GLG1: variants seen among roughly 807,000 people sequenced by gnomAD.
GLG1 encodes the protein golgi glycoprotein 1.
In GLG1, 38 loss-of-function variants were observed where a neutral mutation model predicts 160.5. That is an observed-to-expected ratio of 0.24 (90% CI 0.18 to 0.31). The LOEUF is 0.31. GLG1 is among the 10% of genes least tolerant of loss of function. The pLI, the probability that GLG1 is intolerant of heterozygous loss-of-function variation, is 1.00. For missense variants in GLG1, 1,373 were observed against 1,505.2 expected, an observed-to-expected ratio of 0.91 and a Z score of 1.45; for synonymous variants, 644 against 543.4, an observed-to-expected ratio of 1.19 and a Z score of -2.57.
intron 1 of GLG1, among the ~76,000 whole-genome samples, chr16:74,573,532 C>G (rs1231304568): frequency 6.7e-6 from 1 of 149,100 alleles, no homozygotes. Context: ...ACTTATATAT[C>G]TAAAGCTGGC....
At chr16:74,566,707 A>G (rs2018663223) in intron 1 of GLG1, among the ~76,000 whole-genome samples, 1 of 152,218 alleles carries the variant, frequency 6.6e-6, no homozygotes, top group South Asian at 2.1e-4. Context: ...TATACTTTCA[A>G]AAGTATAATT....
intron 22 of GLG1, chr16:74,461,873 T>A: frequency 2.2e-6 from 1 of 459,180 alleles, no homozygotes; most frequent in East Asian, 3.7e-5. Context: ...ACACCCTTGT[T>A]CAACAGAGAA....
At chr16:74,510,728 GAC>G (rs966027198) in intron 2 of GLG1, among the ~76,000 whole-genome samples, 2 of 152,218 alleles carry the variant, frequency 1.3e-5, no homozygotes, top group Admixed American at 1.3e-4. Flanking sequence ...CTGTGTTCCA[GAC>G]ACAGTGTTAG....
chr16:74,498,448 G>GTATATATATATATAATATATATATATATA, intron 4 of GLG1, among the ~76,000 whole-genome samples: 1 of 24,038 alleles, frequency 4.2e-5, no homozygotes, highest in African/African-American at 1.4e-4. Flanking sequence ...AAAAAAAAAA[G>GTATATATATATATAATATATATATATATA]TATATATATA....
chr16:74,575,839 G>A (rs1327043958), intron 1 of GLG1, among the ~76,000 whole-genome samples: 4 of 152,124 alleles, frequency 2.6e-5, no homozygotes, highest in African/African-American at 7.2e-5. Flanking sequence ...GCAGTATCAC[G>A]AAACCATATA....
intron 18 of GLG1, 107 bp from the exon 19 acceptor site, chr16:74,465,920 T>C: frequency 1.1e-6 from 1 of 944,172 alleles, no homozygotes; most frequent in East Asian, 2.4e-5. Flanking sequence ...CTTTATCCAT[T>C]TCTCATTCCC....
chr16:74,588,429 T>C (rs916489834), intron 1 of GLG1, among the ~76,000 whole-genome samples: 18 of 152,020 alleles, frequency 1.2e-4, no homozygotes, highest in African/African-American at 4.1e-4. Context: ...TAAGCTCTGT[T>C]TCTTTCTTTC....
intron 2 of GLG1, among the ~76,000 whole-genome samples, chr16:74,527,488 G>A (rs752238432): frequency 6.6e-6 from 1 of 151,924 alleles, no homozygotes; most frequent in Non-Finnish European, 1.5e-5. Context: ...GACCTGAGGT[G>A]ATCCACCCAC....
At chr16:74,542,545 CCTGTAATCCCAGCTACTT>C (rs2017902407) in intron 1 of GLG1, among the ~76,000 whole-genome samples, 1 of 151,226 alleles carries the variant, frequency 6.6e-6, no homozygotes, top group Non-Finnish European at 1.5e-5. Flanking sequence ...GTAGCAGGTA[CCTGTAATCCCAGCTACTT>C]TGGGAGGCTG....
At chr16:74,481,264 T>C (rs1424323981) in intron 10 of GLG1, among the ~76,000 whole-genome samples, 1 of 152,206 alleles carries the variant, frequency 6.6e-6, no homozygotes, top group African/African-American at 2.4e-5. Context: ...TATCAATTTA[T>C]GAGACTTGAC....
intron 1 of GLG1, among the ~76,000 whole-genome samples, chr16:74,548,243 T>C (rs114077627): frequency 0.011 from 1,668 of 152,354 alleles, 24 homozygotes; most frequent in African/African-American, 0.038. Flanking sequence ...AATTCTTACT[T>C]GGTAAAACCA....
rs757879587 is a variant in GLG1, at chr16:74,480,250, C to T, written c.1818G>A (p.Gln606=). 1 of 1,610,430 alleles carries T rather than the reference C, an allele frequency of 6.2e-7. No homozygotes were observed. Among genetic ancestry groups the T allele is most frequent in the South Asian group, 1.1e-5 (1 of 90,930 alleles). Residue 606 remains glutamine, a synonymous_variant, in exon 11 of 26, where the codon CAG becomes CAA. Coordinates refer to ENST00000422840, the MANE Select transcript of GLG1 (RefSeq NM_001145667.2). ...LYRHAYRTEE[Q]GRRLSRECRA... ...GATATTCACTGCATACCCTCCTTCCCTGTTCCTCAGTGCGGTAGGCGTGTC... is the reference window on the plus strand; with the variant it reads ...GATATTCACTGCATACCCTCCTTCCTTGTTCCTCAGTGCGGTAGGCGTGTC...
At position 74,456,683 on chromosome 16, in the gene GLG1, T is replaced by C. The variant is rs144493700; in HGVS notation, c.3338A>G (p.Asn1113Ser). 7.3e-5 allele frequency: 118 copies of C among 1,609,146 alleles called. No homozygotes were observed. The highest frequency in any genetic ancestry group is 9.2e-5 in the Non-Finnish European group (108 of 1,178,164). ...GTAACTCCACATCTCAATCCGGTCA[T>C]TGAGGCGCTTTTTGCACTCGGGCTG... ...RLQPECKKRL[N>S]DRIEMWSYAA... The change falls in exon 25 of 26, where the codon AAT becomes AGT. Residue 1113 changes from asparagine (N) to serine (S), a missense_variant. Transcript: ENST00000422840.
intron 1 of GLG1, among the ~76,000 whole-genome samples, chr16:74,602,652 G>A (rs1288959766): frequency 1.3e-5 from 2 of 152,016 alleles, no homozygotes; most frequent in African/African-American, 4.8e-5. Context: ...GTGTGGTGGC[G>A]GATGCCTGTA....
At position 74,579,803 on chromosome 16, in the gene GLG1, G is replaced by A. The variant is rs150556046; in HGVS notation, c.438+26854C>T. Among the ~76,000 whole-genome samples, 32 of 152,212 alleles carry A rather than the reference G, an allele frequency of 2.1e-4. No homozygotes were observed. The East Asian group carries it at 4.6e-3, about 22-fold the overall frequency. ...AGCATGGCCACGCACAGTGGCTCAC[G>A]CCTGTAATCCCAGCACTTTGGGAGG... On this transcript the variant is annotated intron_variant, in intron 1 of 25. Transcript: ENST00000422840.
chr16:74,453,439 C>T, intron 25 of GLG1, 105 bp from the exon 26 acceptor site: 1 of 697,742 alleles, frequency 1.4e-6, no homozygotes, highest in Non-Finnish European at 2.4e-6. Flanking sequence ...TATGTCTTTT[C>T]TTTTGGAGAG....
At chr16:74,530,904 G>C (rs1352449652) in intron 2 of GLG1, among the ~76,000 whole-genome samples, 1 of 152,012 alleles carries the variant, frequency 6.6e-6, no homozygotes, top group Non-Finnish European at 1.5e-5. Context: ...CTGTTTATTG[G>C]ACACCTTTTT....
intron 12 of GLG1, among the ~76,000 whole-genome samples, chr16:74,475,843 C>T (rs1365386204): frequency 5.9e-5 from 9 of 151,970 alleles, no homozygotes; most frequent in Admixed American, 3.3e-4. Context: ...GGAAAATACC[C>T]CAAACTTTTG....
At chr16:74,547,588 T>C (rs1418802158) in intron 1 of GLG1, among the ~76,000 whole-genome samples, 2 of 141,854 alleles carry the variant, frequency 1.4e-5, no homozygotes, top group South Asian at 2.1e-4. Context: ...TAATTTGTGC[T>C]ATGTTTTGGA....
Sources: allele counts gnomAD v4.1 joint callset (sites outside exome capture counted in the v4.1 genomes callset), GRCh38; gene constraint gnomAD v4.1.1; transcripts MANE v1.5; gene names NCBI Gene and HGNC (gene_info 2026-07-23, HGNC 2026-07-21).